MINK1: variants seen among roughly 807,000 people sequenced by gnomAD.
MINK1 encodes misshapen like kinase 1.
In MINK1, 46 loss-of-function variants were observed where a neutral mutation model predicts 178.4. The observed-to-expected ratio is 0.26, with a 90% confidence interval of 0.20 to 0.33. The LOEUF (loss-of-function observed/expected upper bound fraction) is 0.33, where lower values mean the gene tolerates loss of function less well. MINK1 is among the 10% of genes least tolerant of loss of function. The pLI, the probability that MINK1 is intolerant of heterozygous loss-of-function variation, is 1.00. For missense variants in MINK1, 1,366 were observed against 1,814.9 expected (o/e 0.75, Z 4.49); for synonymous variants, 797 against 709.7 (o/e 1.12, Z -1.96).
intron 13 of MINK1, 113 bp downstream of exon 13, chr17:4,889,876 C>T (rs1407667816): frequency 1.4e-6 from 1 of 725,780 alleles, no homozygotes; most frequent in South Asian, 1.9e-5. Flanking sequence ...TTCCTCCTAT[C>T]TTTTCTAGCT....
Position 4,833,665 on chromosome 17 carries a change from G to C in MINK1, c.57+25G>C. ...GGTGAGCGCGCCGTCCCCCAGCCTCGCCCTGGTTCCTGTCCCCGCCGCAGG... is the reference window on the plus strand; with the variant it reads ...GGTGAGCGCGCCGTCCCCCAGCCTCCCCCTGGTTCCTGTCCCCGCCGCAGG... On this transcript the variant is annotated intron_variant, in intron 1 of 31. Transcript: ENST00000355280. The surrounding 1 kb of genome is among the most constrained non-coding windows in gnomAD (Gnocchi z 4.8). 2.7e-6 allele frequency: 4 copies of C among 1,480,246 alleles called. No individual in the cohort carries two copies. The highest frequency in any genetic ancestry group is 2.7e-6 in the Non-Finnish European group (3 of 1,119,974). 91.7% of individuals were successfully genotyped at this position (1,480,246 alleles called of 1,614,324 possible).
chr17:4,894,756 G>T lies in MINK1; in HGVS notation c.2917+123G>T. ...CACAGGACCTCTCCCTTGGGCCCTAGCACCTGCCTGGGCACAGAGGCAAGG... is the reference window on the plus strand; with the variant it reads ...CACAGGACCTCTCCCTTGGGCCCTATCACCTGCCTGGGCACAGAGGCAAGG... On this transcript the variant is annotated intron_variant, in intron 24 of 31. Coordinates refer to ENST00000355280, the MANE Select transcript of MINK1 (RefSeq NM_153827.5). The surrounding 1 kb of genome is among the most constrained non-coding windows in gnomAD (Gnocchi z 4.1). 1.3e-6 allele frequency: 1 copy of T among 768,550 alleles called. No homozygotes were observed. 47.6% of individuals were successfully genotyped at this position (768,550 alleles called of 1,614,324 possible).
chr17:4,890,472 A>G (rs1567613009), intron 13 of MINK1, 45 bp from the exon 14 acceptor site: 1 of 1,547,144 alleles, frequency 6.5e-7, no homozygotes, highest in African/African-American at 1.4e-5. Flanking sequence ...TCTAACTCCC[A>G]GGGCCACACC....
rs545173393 is a variant in MINK1 at position 4,889,239 on chromosome 17, G to A, written c.1231-408G>A. On this transcript the variant is annotated intron_variant, in intron 12 of 31. Coordinates refer to ENST00000355280, the MANE Select transcript of MINK1 (RefSeq NM_153827.5). ...CTCTTTTCTGTGCTTTCTGTGCACG[G>A]GCACCTGGTGCCCTCTTGTGGCCAA... 5.3e-4 allele frequency among the ~76,000 whole-genome samples: 80 copies of A among 152,282 alleles called. 1 individual carries two copies. The highest frequency in any genetic ancestry group is 1.7e-3 in the African/African-American group (71 of 41,544).
Position 4,889,511 on chromosome 17 carries a change from TGCAGAAACAA to T in MINK1, c.1231-133_1231-124del. ...GCCCTTGGGTGGGGATGGGTATAGTTGCAGAAACAAGCGGAAGCCGGTCTCTCTTACCACC... is the reference window on the plus strand; with the variant it reads ...GCCCTTGGGTGGGGATGGGTATAGTTGCGGAAGCCGGTCTCTCTTACCACC... On this transcript the variant is annotated intron_variant, in intron 12 of 31. Transcript: ENST00000355280. 5.2e-6 allele frequency: 4 copies of T among 776,610 alleles called. No homozygotes were observed. The South Asian group carries it at 6.1e-5, about 12-fold the overall frequency. The allele number at this position is 776,610 out of a possible 1,614,324, so 48.1% of individuals were successfully genotyped here. A position where few individuals can be genotyped will look rare whatever the true frequency, so the allele number is the denominator to read the frequency against.
chr17:4,864,680 G>T (rs35688119), intron 1 of MINK1, among the ~76,000 whole-genome samples: 93,391 of 151,750 alleles, frequency 0.62, 30,556 homozygotes, highest in Non-Finnish European at 0.74. Flanking sequence ...AGCCGAGATC[G>T]CACCATTGAA....
chr17:4,889,777 C>G lies in MINK1; in HGVS notation c.1347+14C>G. The G allele has an allele frequency of 2.0e-6, 3 of 1,514,438 alleles. No homozygotes were observed. Among genetic ancestry groups the G allele is most frequent in the African/African-American group, 1.4e-5 (1 of 72,430 alleles). 93.8% of individuals were successfully genotyped at this position (1,514,438 alleles called of 1,614,324 possible). ...GAGCGCGAGCAGGTAGAGCGCCGCA[C>G]CCGCATCCCTGCCCTCCCGCCCTCC... On this transcript the variant is annotated intron_variant, in intron 13 of 31. Transcript: ENST00000355280.
At position 4,893,970 on chromosome 17, in the gene MINK1, C is replaced by T. The variant is rs1186417400; in HGVS notation, c.2565-18C>T. 2 of 1,547,652 alleles carry T rather than the reference C, an allele frequency of 1.3e-6. No individual in the cohort carries two copies. The highest frequency in any genetic ancestry group is 1.7e-6 in the Non-Finnish European group (2 of 1,148,674). On this transcript the variant is annotated intron_variant, in intron 21 of 31. Coordinates refer to ENST00000355280, the MANE Select transcript of MINK1 (RefSeq NM_153827.5). ...CCACGGGCAGGACCTGGAGGGGCCC[C>T]ACCTTCCTCTCTCACAGCAGCGATG...
At chr17:4,874,499 A>G (rs73973643) in intron 1 of MINK1, among the ~76,000 whole-genome samples, 9,006 of 152,226 alleles carry the variant, frequency 0.059, 836 homozygotes, top group African/African-American at 0.2. Context: ...GTGGCAGCAG[A>G]AGGAAGACAT....
chr17:4,843,992 C>T (rs1280305154), intron 1 of MINK1, among the ~76,000 whole-genome samples: 1 of 151,934 alleles, frequency 6.6e-6, no homozygotes, highest in East Asian at 1.9e-4. Context: ...TGTTTTCTGC[C>T]TGTTTTTTGG....
chr17:4,849,304 C>T (rs1911550191), intron 1 of MINK1, among the ~76,000 whole-genome samples: 1 of 152,208 alleles, frequency 6.6e-6, no homozygotes, highest in Admixed American at 6.5e-5. Context: ...TCTGGACCCA[C>T]CCAGAGAAAG....
chr17:4,886,534 T>G lies in MINK1; in HGVS notation c.857T>G (p.Phe286Cys). Reference protein sequence around the residue: ...SRPPTEQLLKFPFIRDQPTER... With the variant: ...SRPPTEQLLKCPFIRDQPTER... ...CCACCCACGGAGCAGCTACTGAAGT[T>G]TCCCTTCATCCGGGACCAGCCCACG... Residue 286 changes from phenylalanine (F) to cysteine (C), a missense_variant, in exon 10 of 32, where the codon TTT becomes TGT. This residue lies in a region of MINK1 where 109 missense variants were observed against 369.4 expected (regional missense o/e 0.30). Coordinates refer to ENST00000355280, the MANE Select transcript of MINK1 (RefSeq NM_153827.5). This position sits in a 1 kb window ranked among gnomAD's most constrained non-coding sequence, Gnocchi z 6.1. 1 of 1,613,728 alleles carries G rather than the reference T, an allele frequency of 6.2e-7. No individual in the cohort carries two copies. Among genetic ancestry groups the G allele is most frequent in the Non-Finnish European group, 8.5e-7 (1 of 1,179,782 alleles).
At position 4,896,002 on chromosome 17, in the gene MINK1, G is replaced by A; in HGVS notation, c.3365-1G>A. On this transcript the variant is annotated splice_acceptor_variant, in intron 27 of 31. Transcript: ENST00000355280. LOFTEE classifies it high-confidence loss of function. This position sits in a 1 kb window ranked among gnomAD's most constrained non-coding sequence, Gnocchi z 4.6. ...GCATCCCTCTTCTCTCCCGCCCCCAGTGAAATACGAGCGGATTAAGTTCCT... is the reference window on the plus strand; with the variant it reads ...GCATCCCTCTTCTCTCCCGCCCCCAATGAAATACGAGCGGATTAAGTTCCT... 6.3e-7 allele frequency: 1 copy of A among 1,592,760 alleles called. No homozygotes were observed. Among genetic ancestry groups the A allele is most frequent in the Non-Finnish European group, 8.5e-7 (1 of 1,169,632 alleles).
chr17:4,844,084 C>T (rs925239354), intron 1 of MINK1, among the ~76,000 whole-genome samples: 5 of 152,114 alleles, frequency 3.3e-5, no homozygotes, highest in African/African-American at 7.2e-5. Context: ...CTCACTGCAA[C>T]CTCCACCTCC....
intron 17 of MINK1, 43 bp from the exon 18 acceptor site, chr17:4,892,359 G>GCCCCCCCC: frequency 1.4e-6 from 2 of 1,434,924 alleles, no homozygotes; most frequent in Non-Finnish European, 1.9e-6. Context: ...TCACCTCAGC[G>GCCCCCCCC]CCCCCCCGCC....
In MINK1 at chr17:4,896,602, C is replaced by T. The variant is rs2302318; in HGVS notation, c.3775+14C>T. ...CTACTTCTGTGGGTGAGTGAGCTGC[C>T]GCCCTCCCAGCCACATGCCCCGAGG... On this transcript the variant is annotated intron_variant, in intron 30 of 31. Coordinates refer to ENST00000355280, the MANE Select transcript of MINK1 (RefSeq NM_153827.5). The surrounding 1 kb of genome is among the most constrained non-coding windows in gnomAD (Gnocchi z 4.6). 0.096 allele frequency: 154,301 copies of T among 1,613,268 alleles called. 14,403 individuals carry two copies. The highest frequency in any genetic ancestry group is 0.46 in the East Asian group (20,704 of 44,846).
At position 4,887,375 on chromosome 17, in the gene MINK1, G is replaced by A. The variant is rs1968313449; in HGVS notation, c.1019+196G>A. 6.6e-6 allele frequency among the ~76,000 whole-genome samples: 1 copy of A among 152,148 alleles called. No individual in the cohort carries two copies. Among genetic ancestry groups the A allele is most frequent in the Non-Finnish European group, 1.5e-5 (1 of 68,024 alleles). On this transcript the variant is annotated intron_variant, in intron 11 of 31. Transcript: ENST00000355280. The surrounding 1 kb of genome is among the most constrained non-coding windows in gnomAD (Gnocchi z 7.6). Reference sequence around the variant, plus strand: ...AGCTGGGGAGAGAGCAATTTGTGGTGAATGTGGGGCGCAGCAGTAATAGGA... The same window carrying A: ...AGCTGGGGAGAGAGCAATTTGTGGTAAATGTGGGGCGCAGCAGTAATAGGA...
intron 1 of MINK1, among the ~76,000 whole-genome samples, chr17:4,871,976 G>A (rs970771403): frequency 9.2e-5 from 14 of 152,166 alleles, no homozygotes; most frequent in Admixed American, 9.2e-4. Flanking sequence ...CCTCCTGAGG[G>A]AAATACAAAT....
intron 1 of MINK1, among the ~76,000 whole-genome samples, chr17:4,853,721 G>C (rs1024401957): frequency 3.9e-5 from 6 of 152,056 alleles, no homozygotes; most frequent in African/African-American, 1.5e-4. Flanking sequence ...ACTGTGAGAG[G>C]ATGAACTTGA....
Sources: allele counts gnomAD v4.1 joint callset (sites outside exome capture counted in the v4.1 genomes callset), GRCh38; gene constraint gnomAD v4.1.1; regional missense constraint gnomAD v4.1.1; non-coding constraint Gnocchi (gnomAD v3.1); transcripts MANE v1.5; gene names NCBI Gene and HGNC (gene_info 2026-07-23, HGNC 2026-07-21).